The following CD1E variants were observed in gnomAD, a reference collection of about 807,000 sequenced individuals.
The protein encoded by CD1E is CD1e molecule.
A neutral mutation model predicts 40.1 loss-of-function variants in CD1E; 49 were observed. The observed-to-expected ratio is 1.22, with a 90% CI of 0.97 to 1.55. CD1E has a LOEUF of 1.55. CD1E is among the 40% of genes most tolerant of loss of function. The pLI, the probability that CD1E is intolerant of heterozygous loss-of-function variation, is 0.00. For synonymous variants in CD1E, 189 were observed against 178.3 expected, an observed-to-expected ratio of 1.06 and a Z score of -0.48; for missense variants, 492 against 471.3, an observed-to-expected ratio of 1.04 and a Z score of -0.41.
intron 1 of CD1E, 151 bp downstream of exon 1, chr1:158,354,197 C>A: frequency 1.1e-6 from 1 of 905,780 alleles, no homozygotes; most frequent in Non-Finnish European, 1.7e-6. Flanking sequence ...AGAATTCTTG[C>A]TCTCAGTCTC....
At chr1:158,356,682 C>T (rs150087458) in intron 5 of CD1E, 46 bp from the exon 6 acceptor site, 71 of 1,592,828 alleles carry the variant, frequency 4.5e-5, no homozygotes, top group Non-Finnish European at 6.1e-5. Flanking sequence ...TGCCTTTCCC[C>T]TTTATTTCCT....
Position 158,355,245 on chromosome 1 carries a change from T to C in CD1E, c.356-55T>C, listed in dbSNP as rs967204814. ...ATCTCTTTACTGTCTAAATTGTTTG[T>C]TTTTCTTCCTTGTCATTCTTTCCAT... On this transcript the variant is annotated intron_variant, in intron 2 of 5. Coordinates refer to ENST00000368167, the MANE Select transcript of CD1E (RefSeq NM_030893.4). 1.3e-5 allele frequency: 20 copies of C among 1,555,576 alleles called. No individual in the cohort carries two copies. The South Asian group carries it at 2.3e-4, about 18-fold the overall frequency.
Position 158,355,303 on chromosome 1 carries a change from C to A in CD1E, c.359C>A (p.Pro120His). ...TCTCTTCCCTGTCCACTCTCAGACCCCTTCGAGATCCAGATATTAGCTGGC... is the reference window on the plus strand; with the variant it reads ...TCTCTTCCCTGTCCACTCTCAGACCACTTCGAGATCCAGATATTAGCTGGC... ...ASAGQFQLEY[P>H]FEIQILAGCR... Residue 120 changes from proline (P) to histidine (H), a missense_variant, in exon 3 of 6, where the codon CCC becomes CAC. Coordinates refer to ENST00000368167, the MANE Select transcript of CD1E (RefSeq NM_030893.4). The A allele has an allele frequency of 1.2e-6, 2 of 1,613,686 alleles. No individual in the cohort carries two copies. The highest frequency in any genetic ancestry group is 1.7e-6 in the Non-Finnish European group (2 of 1,179,726).
Position 158,355,601 on chromosome 1 carries a change from C to A in CD1E, c.625+32C>A. The A allele has an allele frequency of 2.5e-6, 4 of 1,600,240 alleles. No homozygotes were observed. The South Asian group carries it at 4.5e-5, about 18-fold the overall frequency. ...CCAACTCTCTCTCTCCCCTCTTGTT[C>A]CTAGTACTATAACTCTCATATTTGA... On this transcript the variant is annotated intron_variant, in intron 3 of 5. Transcript: ENST00000368167.
rs1436342152 is a variant in CD1E at position 158,355,584 on chromosome 1, C to G, written c.625+15C>G. 2 of 1,610,628 alleles carry G rather than the reference C, an allele frequency of 1.2e-6. No individual in the cohort carries two copies. Among genetic ancestry groups the G allele is most frequent in the East Asian group, 2.2e-5 (1 of 44,828 alleles). On this transcript the variant is annotated intron_variant, in intron 3 of 5. Transcript: ENST00000368167. ...GAAACGGAAAGGTGAGCCCAACTCT[C>G]TCTCTCCCCTCTTGTTCCTAGTACT...
At position 158,355,727 on chromosome 1, in the gene CD1E, T is replaced by A. The variant is rs1436917285; in HGVS notation, c.626-100T>A. 2.1e-6 allele frequency: 3 copies of A among 1,412,904 alleles called. No individual in the cohort carries two copies. In the African/African-American group the frequency reaches 4.3e-5, roughly 20 times the overall value. The allele number at this position is 1,412,904 out of a possible 1,614,324, so 87.5% of individuals were successfully genotyped here. Reference sequence around the variant, plus strand: ...TTAGACAAGAGAAAGAAGTGATTACTAAATCACTCTTAGTATTATTACAAA... The same window carrying A: ...TTAGACAAGAGAAAGAAGTGATTACAAAATCACTCTTAGTATTATTACAAA... On this transcript the variant is annotated intron_variant, in intron 3 of 5. Coordinates refer to ENST00000368167, the MANE Select transcript of CD1E (RefSeq NM_030893.4).
Position 158,355,268 on chromosome 1 carries a change from C to T in CD1E, c.356-32C>T, listed in dbSNP as rs764133836. 3 of 1,592,168 alleles carry T rather than the reference C, an allele frequency of 1.9e-6. No individual in the cohort carries two copies. The Admixed American group carries it at 5.1e-5, about 27-fold the overall frequency. On this transcript the variant is annotated intron_variant, in intron 2 of 5. Coordinates refer to ENST00000368167, the MANE Select transcript of CD1E (RefSeq NM_030893.4). ...TGTTTTTCTTCCTTGTCATTCTTTC[C>T]ATAATGATCTCTCTTCCCTGTCCAC...
At position 158,355,993 on chromosome 1, in the gene CD1E, C is replaced by A; in HGVS notation, c.792C>A (p.Asp264Glu). Residue 264 changes from aspartate (D) to glutamate (E), a missense_variant, in exon 4 of 6, where the codon GAC becomes GAA. By Grantham distance (45) the Asp-to-Glu change is conservative. Coordinates refer to ENST00000368167, the MANE Select transcript of CD1E (RefSeq NM_030893.4). ...GAGGGGACGTCCTGCCTAATGCTGA[C>A]GAGACATGGTATCTCCGAGCAACCC... ...TQRGDVLPNA[D>E]ETWYLRATLD... 1 of 1,614,064 alleles carries A rather than the reference C, an allele frequency of 6.2e-7. No individual in the cohort carries two copies. The highest frequency in any genetic ancestry group is 8.5e-7 in the Non-Finnish European group (1 of 1,180,018).
rs1437802809 is a variant in CD1E at position 158,354,506 on chromosome 1, A to G, written c.188A>G (p.Gln63Arg). ...GGCTCAGGATGGCTGGGTGACCTGC[A>G]GACTCATGGCTGGGACACTGTCTTG... ...SEGSGWLGDL[Q>R]THGWDTVLGT... The change falls in exon 2 of 6, where the codon CAG (glutamine) becomes CGG (arginine). Residue 63 changes from glutamine (Q) to arginine (R), a missense_variant. Coordinates refer to ENST00000368167, the MANE Select transcript of CD1E (RefSeq NM_030893.4). The G allele has an allele frequency of 6.8e-6, 11 of 1,614,036 alleles. No individual in the cohort carries two copies. The South Asian group carries it at 1.2e-4, about 18-fold the overall frequency.
At chr1:158,354,867 TACATATCTCA>T (rs904454945) in intron 2 of CD1E, among the ~76,000 whole-genome samples, 194 bp downstream of exon 2, 13 of 152,276 alleles carry the variant, frequency 8.5e-5, no homozygotes, top group African/African-American at 2.9e-4. Context: ...GGCCTGCATG[TACATATCTCA>T]ACATGAATAT....
intron 4 of CD1E, 32 bp downstream of exon 4, chr1:158,356,137 A>G (rs1653644478): frequency 5.0e-6 from 8 of 1,611,080 alleles, no homozygotes; most frequent in Non-Finnish European, 6.8e-6. Context: ...GCTGGGAAAT[A>G]ATGAAAATAG....
chr1:158,355,384 T>A lies in CD1E; in HGVS notation c.440T>A (p.Phe147Tyr), dbSNP rs564154383. ...AATATGGCATATCAAGGGTCAGATT[T>A]CCTGAGTTTCCAAGGAATTTCCTGG... is the stretch of plus-strand genomic sequence containing the variant. ...FLNMAYQGSD[F>Y]LSFQGISWEP... The change falls in exon 3 of 6, where the codon TTC (phenylalanine) becomes TAC (tyrosine). Residue 147 changes from phenylalanine to tyrosine, a missense_variant. By Grantham distance (22) the Phe-to-Tyr change is conservative (BLOSUM62 3). Transcript: ENST00000368167. 1 of 1,614,194 alleles carries A rather than the reference T, an allele frequency of 6.2e-7. No homozygotes were observed. The highest frequency in any genetic ancestry group is 8.5e-7 in the Non-Finnish European group (1 of 1,180,034).
Position 158,353,943 on chromosome 1 carries a change from T to C in CD1E, c.-46T>C. ...AGAGGGGTACTGATATCTGAATTAT[T>C]AGGGCAGGTGTCCTGCCAAGGAATC... On this transcript the variant is annotated 5_prime_UTR_variant, in exon 1 of 6. Coordinates refer to ENST00000368167, the MANE Select transcript of CD1E (RefSeq NM_030893.4). 6.8e-7 allele frequency: 1 copy of C among 1,461,130 alleles called. No individual in the cohort carries two copies. Among genetic ancestry groups the C allele is most frequent in the South Asian group, 1.1e-5 (1 of 87,968 alleles). The allele number at this position is 1,461,130 out of a possible 1,614,324, so 90.5% of individuals were successfully genotyped here.
In CD1E at chr1:158,353,940, T is replaced by C. The variant is rs1424840715; in HGVS notation, c.-49T>C. 2.6e-5 allele frequency: 38 copies of C among 1,485,370 alleles called. No homozygotes were observed. The highest frequency in any genetic ancestry group is 3.2e-5 in the Non-Finnish European group (34 of 1,063,644). 92.0% of individuals were successfully genotyped at this position (1,485,370 alleles called of 1,614,324 possible). On this transcript the variant is annotated 5_prime_UTR_variant, in exon 1 of 6. Transcript: ENST00000368167. Reference sequence around the variant, plus strand: ...TGGAGAGGGGTACTGATATCTGAATTATTAGGGCAGGTGTCCTGCCAAGGA... The same window carrying C: ...TGGAGAGGGGTACTGATATCTGAATCATTAGGGCAGGTGTCCTGCCAAGGA...
chr1:158,354,019 C>T lies in CD1E; in HGVS notation c.31C>T (p.Leu11Phe), dbSNP rs745332808. The T allele has an allele frequency of 2.5e-6, 4 of 1,614,060 alleles. No homozygotes were observed. The highest frequency in any genetic ancestry group is 3.4e-6 in the Non-Finnish European group (4 of 1,179,926). ...GCTCCTGTTCCTCCTCTTCGAGGGT[C>T]TCTGCTGTCCTGGGGAAAATACAGC... MLLLFLLFEGLCCPGENTAAP... is the reference protein window; with the variant it reads MLLLFLLFEGFCCPGENTAAP... Residue 11 changes from leucine to phenylalanine, a missense_variant, in exon 1 of 6, where the codon CTC becomes TTC. Leu to Phe is a conservative substitution (Grantham distance 22, BLOSUM62 0). Transcript: ENST00000368167.
chr1:158,355,355 CT>C lies in CD1E; in HGVS notation c.413del (p.Leu138Ter), dbSNP rs761763476. The stretch of plus-strand genomic sequence containing the variant: ...GTAGAATGAATGCCCCACAAATCTT[CT>C]TAAATATGGCATATCAAGGGTCAGA... ...GCRMNAPQIF[L>X]NMAYQGSDFL... On this transcript the variant is annotated frameshift_variant, in exon 3 of 6. Coordinates refer to ENST00000368167, the MANE Select transcript of CD1E (RefSeq NM_030893.4). LOFTEE classifies it high-confidence loss of function. 3.7e-6 allele frequency: 6 copies of C among 1,614,020 alleles called. No individual in the cohort carries two copies. The East Asian group carries it at 1.3e-4, about 36-fold the overall frequency.
intron 3 of CD1E, 83 bp from the exon 4 acceptor site, chr1:158,355,744 T>A (rs930388478): frequency 7.5e-6 from 11 of 1,473,612 alleles, no homozygotes; most frequent in Non-Finnish European, 1.0e-5. Context: ...CTCTTAGTAT[T>A]ATTACAAAGG....
At position 158,355,579 on chromosome 1, in the gene CD1E, A is replaced by ACT; in HGVS notation, c.625+20_625+21dup. 1.9e-6 allele frequency: 3 copies of ACT among 1,609,422 alleles called. No homozygotes were observed. The highest frequency in any genetic ancestry group is 1.7e-6 in the Non-Finnish European group (2 of 1,177,512). ...GAACTGAAACGGAAAGGTGAGCCCA[A>ACT]CTCTCTCTCTCCCCTCTTGTTCCTA... On this transcript the variant is annotated intron_variant, in intron 3 of 5. Transcript: ENST00000368167.
Position 158,353,920 on chromosome 1 carries a change from A to G in CD1E, c.-69A>G. 1.6e-6 allele frequency: 2 copies of G among 1,215,592 alleles called. No individual in the cohort carries two copies. The highest frequency in any genetic ancestry group is 1.2e-6 in the Non-Finnish European group (1 of 818,462). The allele number at this position is 1,215,592 out of a possible 1,614,324, so 75.3% of individuals were successfully genotyped here. ...GACGAGAGTGCAAGAGGGTGTGGAG[A>G]GGGGTACTGATATCTGAATTATTAG... On this transcript the variant is annotated 5_prime_UTR_variant, in exon 1 of 6. Transcript: ENST00000368167.
Sources: allele counts gnomAD v4.1 joint callset (sites outside exome capture counted in the v4.1 genomes callset), GRCh38; gene constraint gnomAD v4.1.1; transcripts MANE v1.5; gene names NCBI Gene and HGNC (gene_info 2026-07-23, HGNC 2026-07-21).